Variants in KDM4B observed in about 807,000 individuals in gnomAD.
KDM4B encodes the protein lysine-specific demethylase 4B.
KDM4B carries 32 observed loss-of-function variants against 125.2 expected under a neutral mutation model. That is an observed-to-expected ratio of 0.26 (90% CI 0.19 to 0.34). The LOEUF is 0.34. Ranked by LOEUF, KDM4B falls within the 10% of genes least tolerant of loss-of-function variation. KDM4B has a pLI of 1.00. For synonymous variants in KDM4B, 721 were observed against 677.9 expected (o/e 1.06, Z -0.99); for missense variants, 1,190 against 1,577.7 (o/e 0.75, Z 4.16).
At chr19:4,996,334 C>G (rs1410493050) in intron 1 of KDM4B, among the ~76,000 whole-genome samples, 1 of 152,094 alleles carries the variant, frequency 6.6e-6, no homozygotes, top group Admixed American at 6.6e-5. Context: ...ATCCTTGCTG[C>G]CAGCCCTTCT....
rs1294421173 is a variant in KDM4B at position 5,144,082 on chromosome 19, T to A, written c.2666T>A (p.Leu889His). 2 of 1,605,442 alleles carry A rather than the reference T, an allele frequency of 1.2e-6. No homozygotes were observed. Among genetic ancestry groups the A allele is most frequent in the Non-Finnish European group, 1.7e-6 (2 of 1,173,848 alleles). Reference sequence around the variant, plus strand: ...ACCTGCGCCCACGCCGCAGGCGTGCTCATGGAGCCGGACGACTGGCCCTAT... The same window carrying A: ...ACCTGCGCCCACGCCGCAGGCGTGCACATGGAGCCGGACGACTGGCCCTAT... The part of the protein sequence containing the change: ...HVTCAHAAGV[L>H]MEPDDWPYVV... The change falls in exon 19 of 23, where the codon CTC (leucine) becomes CAC (histidine). Residue 889 changes from leucine to histidine, a missense_variant. Leu to His is a moderately conservative substitution (Grantham distance 99). Coordinates refer to ENST00000159111, the MANE Select transcript of KDM4B (RefSeq NM_015015.3).
chr19:5,070,949 G>A, intron 6 of KDM4B, 61 bp from the exon 7 acceptor site: 3 of 1,578,122 alleles, frequency 1.9e-6, no homozygotes, highest in South Asian at 2.2e-5. Flanking sequence ...GTCCCACCAG[G>A]GACACCCCCT....
intron 1 of KDM4B, among the ~76,000 whole-genome samples, chr19:5,005,668 G>A (rs2035533492): frequency 6.6e-6 from 1 of 152,200 alleles, no homozygotes; most frequent in Non-Finnish European, 1.5e-5. Context: ...TCTGCATTCA[G>A]TGGTCTTGGG....
intron 10 of KDM4B, among the ~76,000 whole-genome samples, chr19:5,116,665 C>T (rs1237424716): frequency 6.6e-6 from 1 of 152,146 alleles, no homozygotes; most frequent in African/African-American, 2.4e-5. Context: ...AGAGCAATGG[C>T]AGGGAGCTCA....
At position 5,066,402 on chromosome 19, in the gene KDM4B, C is replaced by T. The variant is rs3826929; in HGVS notation, c.627-4608C>T. On this transcript the variant is annotated intron_variant, in intron 6 of 22. Transcript: ENST00000159111. ...TTGTTGGCGCCTCACATGTGTCTCC[C>T]CATGGGCCTAGGAGGTCACTGTGCT... Among the ~76,000 whole-genome samples, 614 of 152,208 alleles carry T rather than the reference C, an allele frequency of 4.0e-3. 24 individuals carry two copies. In the East Asian group the frequency reaches 0.093, roughly 23 times the overall value.
chr19:5,107,494 C>T lies in KDM4B; in HGVS notation c.919-3128C>T, dbSNP rs148438210. Among the ~76,000 whole-genome samples, 505 of 152,304 alleles carry T rather than the reference C, an allele frequency of 3.3e-3. 2 individuals are homozygous for T. Among genetic ancestry groups the T allele is most frequent in the Admixed American group, 5.6e-3 (86 of 15,288 alleles). On this transcript the variant is annotated intron_variant, in intron 9 of 22. Transcript: ENST00000159111. ...GAGCTAGACAGGGCTGTGGTGAGAA[C>T]AGTCAGGGGCCTGGCTAATGAAAAT...
intron 1 of KDM4B, among the ~76,000 whole-genome samples, chr19:4,985,117 AG>A (rs2034783238): frequency 6.6e-6 from 1 of 152,136 alleles, no homozygotes; most frequent in Admixed American, 6.5e-5. Flanking sequence ...TGAGGTCAGG[AG>A]TTTGAGACCA....
At position 5,114,114 on chromosome 19, in the gene KDM4B, G is replaced by T. The variant is rs1255950845; in HGVS notation, c.1115+3296G>T. On this transcript the variant is annotated intron_variant, in intron 10 of 22. Coordinates refer to ENST00000159111, the MANE Select transcript of KDM4B (RefSeq NM_015015.3). This position sits in a 1 kb window ranked among gnomAD's most constrained non-coding sequence, Gnocchi z 5.8. ...ACTCCCGGTGGCGCTGTGCGTTCTG[G>T]TGCCCTGCCTGAGCCGGAGCCCTCA... The T allele has an allele frequency of 3.1e-6, 4 of 1,289,332 alleles. No individual in the cohort carries two copies. The South Asian group carries it at 4.9e-5, about 16-fold the overall frequency. The allele number at this position is 1,289,332 out of a possible 1,614,324, so 79.9% of individuals were successfully genotyped here.
intron 1 of KDM4B, among the ~76,000 whole-genome samples, chr19:4,979,899 T>C (rs2145316351): frequency 6.6e-6 from 1 of 152,238 alleles, no homozygotes; most frequent in Non-Finnish European, 1.5e-5. Flanking sequence ...GGTCAGGAGT[T>C]TGAGACCAGC....
intron 2 of KDM4B, among the ~76,000 whole-genome samples, chr19:5,018,648 G>A (rs1485443339): frequency 6.6e-6 from 1 of 152,166 alleles, no homozygotes; most frequent in Non-Finnish European, 1.5e-5. Flanking sequence ...ACAGGGCTGG[G>A]CAGCATCACC....
intron 1 of KDM4B, among the ~76,000 whole-genome samples, chr19:4,985,160 C>T (rs1039209611): frequency 6.6e-6 from 1 of 152,112 alleles, no homozygotes; most frequent in African/African-American, 2.4e-5. Flanking sequence ...CCCTTCTCTA[C>T]TAAAAATCCA....
chr19:5,017,059 T>G lies in KDM4B; in HGVS notation c.-26+720T>G, dbSNP rs561787587. ...GGCCGGCAGAGCACCGGGGAAAGGC[T>G]GCCTTGTGCGGCGTCGCCCTTGGAT... On this transcript the variant is annotated intron_variant, in intron 2 of 22. Transcript: ENST00000159111. Among the ~76,000 whole-genome samples the G allele has an allele frequency of 4.6e-3, 699 of 152,368 alleles. 4 individuals are homozygous for G. Among genetic ancestry groups the G allele is most frequent in the Middle Eastern group, 0.01 (3 of 294 alleles).
intron 4 of KDM4B, 39 bp downstream of exon 4, chr19:5,040,050 C>G (rs370870330): frequency 7.0e-6 from 11 of 1,570,348 alleles, no homozygotes; most frequent in Middle Eastern, 2.0e-4. Flanking sequence ...CCCCCGCCCC[C>G]GGGGGCACAC....
chr19:5,061,436 A>C (rs1382677133), intron 6 of KDM4B, among the ~76,000 whole-genome samples: 1 of 152,244 alleles, frequency 6.6e-6, no homozygotes, highest in Non-Finnish European at 1.5e-5. Context: ...TCCTGGGAAC[A>C]AGCCACCCTG....
rs1299812389 is a variant in KDM4B at position 5,019,530 on chromosome 19, A to ATTGGTGTGCAGGTG, written c.-26+3205_-26+3218dup. ...TTGGTGTGGGTGTTGGTGTGCACGT[A>ATTGGTGTGCAGGTG]TTGGTGTGCAGGTGTTGGTGTGCAG... On this transcript the variant is annotated intron_variant, in intron 2 of 22. Transcript: ENST00000159111. 6.7e-5 allele frequency among the ~76,000 whole-genome samples: 5 copies of ATTGGTGTGCAGGTG among 74,740 alleles called. No homozygotes were observed. In the East Asian group the frequency reaches 1.4e-3, roughly 20 times the overall value. 49.0% of individuals were successfully genotyped at this position (74,740 alleles called of 152,430 possible).
intron 9 of KDM4B, among the ~76,000 whole-genome samples, chr19:5,097,238 C>T (rs370324562): frequency 1.3e-3 from 204 of 152,314 alleles, no homozygotes; most frequent in African/African-American, 4.7e-3. Context: ...GTCGGCCATC[C>T]AGGCTTCGTG....
intron 1 of KDM4B, among the ~76,000 whole-genome samples, chr19:4,994,083 T>A (rs552901657): frequency 5.3e-4 from 74 of 140,454 alleles, no homozygotes; most frequent in Non-Finnish European, 9.3e-4. Flanking sequence ...GGTTTCGACC[T>A]CCCGGCATGC....
At chr19:5,005,489 G>C (rs768764296) in intron 1 of KDM4B, among the ~76,000 whole-genome samples, 2 of 152,160 alleles carry the variant, frequency 1.3e-5, no homozygotes, top group Non-Finnish European at 2.9e-5. Flanking sequence ...CCCACGATGA[G>C]GGTGTTAACA....
intron 1 of KDM4B, among the ~76,000 whole-genome samples, chr19:5,001,780 G>A (rs2035395229): frequency 6.6e-6 from 1 of 152,144 alleles, no homozygotes; most frequent in African/African-American, 2.4e-5. Flanking sequence ...TGAGAAATGG[G>A]GGCTCAGTGG....
Sources: allele counts gnomAD v4.1 joint callset (sites outside exome capture counted in the v4.1 genomes callset), GRCh38; gene constraint gnomAD v4.1.1; non-coding constraint Gnocchi (gnomAD v3.1); transcripts MANE v1.5; gene names NCBI Gene and HGNC (gene_info 2026-07-23, HGNC 2026-07-21).